RPL5: variants seen among roughly 807,000 people sequenced by gnomAD.
RPL5 encodes large ribosomal subunit protein uL18.
A neutral mutation model predicts 38.4 loss-of-function variants in RPL5; 1 was observed. The ratio of observed to expected loss-of-function variants is 0.03; its 90% CI spans 0.01 to 0.12. RPL5 has a LOEUF of 0.12. Ranked by LOEUF, RPL5 falls within the 10% of genes least tolerant of loss-of-function variation. RPL5 has a pLI of 1.00. For synonymous variants in RPL5, 109 were observed against 121.2 expected, an observed-to-expected ratio of 0.90 and a Z score of 0.66; for missense variants, 243 against 374.1, an observed-to-expected ratio of 0.65 and a Z score of 2.89.
At chr1:92,834,976 AG>A in intron 4 of RPL5, 63 bp downstream of exon 4, 1 of 1,596,374 alleles carries the variant, frequency 6.3e-7, no homozygotes. Context: ...GTTTTCTGCA[AG>A]ATGTTTGTAC....
chr1:92,833,279 T>C lies in RPL5; in HGVS notation c.4-110T>C, dbSNP rs1252963983. The C allele has an allele frequency of 4.5e-6, 4 of 882,228 alleles. No homozygotes were observed. The African/African-American group carries it at 6.7e-5, about 15-fold the overall frequency. 54.6% of individuals were successfully genotyped at this position (882,228 alleles called of 1,614,324 possible). On this transcript the variant is annotated intron_variant, in intron 1 of 7. Transcript: ENST00000370321. ...AACCTGGGATTCTACAAGTGACAGT[T>C]GTCTGTTTACTCTTGAAGTTCAAGT... is the stretch of plus-strand genomic sequence containing the variant.
Position 92,837,454 on chromosome 1 carries a change from A to C in RPL5, c.528-2A>C, listed in dbSNP as rs1687174759. On this transcript the variant is annotated splice_acceptor_variant, in intron 5 of 7. Transcript: ENST00000370321. LOFTEE classifies it high-confidence loss of function. ...ACTAAAATATGAATAACTTTATTTT[A>C]GTACCAAACGATTCCCTGGTTATGA... is the stretch of plus-strand genomic sequence containing the variant. 6.2e-7 allele frequency: 1 copy of C among 1,612,398 alleles called. No homozygotes were observed. The highest frequency in any genetic ancestry group is 8.5e-7 in the Non-Finnish European group (1 of 1,178,656).
In RPL5 at chr1:92,837,494, A is replaced by G. The variant is rs1323030006; in HGVS notation, c.566A>G (p.Glu189Gly). 2.5e-6 allele frequency: 4 copies of G among 1,613,118 alleles called. No homozygotes were observed. Among genetic ancestry groups the G allele is most frequent in the Non-Finnish European group, 3.4e-6 (4 of 1,179,982 alleles). Residue 189 changes from glutamate (E) to glycine (G), a missense_variant, in exon 6 of 8, where the codon GAA becomes GGA. Coordinates refer to ENST00000370321, the MANE Select transcript of RPL5 (RefSeq NM_000969.5). ...RFPGYDSESK[E>G]FNAEVHRKHI... ...CCTGGTTATGATTCTGAAAGCAAGG[A>G]ATTTAATGCAGAAGTACATCGGAAG... is the stretch of plus-strand genomic sequence containing the variant.
intron 7 of RPL5, 98 bp downstream of exon 7, chr1:92,840,737 G>A (rs776356938): frequency 5.6e-6 from 5 of 885,210 alleles, no homozygotes; most frequent in Non-Finnish European, 9.4e-6. Flanking sequence ...TCGATCACTA[G>A]CTCTGCGTGA....
intron 7 of RPL5, 55 bp downstream of exon 7, chr1:92,840,694 C>A (rs756230273): frequency 8.0e-7 from 1 of 1,252,688 alleles, no homozygotes. Context: ...ATGGTTCCCA[C>A]GTGGGGCAGA....
rs201336423 is a variant in RPL5, at chr1:92,841,323, TC to T, written c.795-442del. Among the ~76,000 whole-genome samples the T allele has an allele frequency of 8.9e-3, 1,358 of 152,330 alleles. 10 individuals are homozygous for T. Among genetic ancestry groups the T allele is most frequent in the Middle Eastern group, 0.017 (5 of 294 alleles). On this transcript the variant is annotated intron_variant, in intron 7 of 7. Transcript: ENST00000370321. ...TTCACTGAGCACAATATTCTCCACT[TC>T]ATTCATGTTGCAAATGACAGAATTT... is the stretch of plus-strand genomic sequence containing the variant.
chr1:92,832,102 T>C lies in RPL5; in HGVS notation c.-13T>C. 6.2e-7 allele frequency: 1 copy of C among 1,614,154 alleles called. No individual in the cohort carries two copies. The highest frequency in any genetic ancestry group is 8.5e-7 in the Non-Finnish European group (1 of 1,180,010). ...CTCTGTCGAGCAGCGGACGCCGGTC[T>C]CTGTTCCGCAGGATGGTGAGTGGAT... On this transcript the variant is annotated 5_prime_UTR_variant, in exon 1 of 8. Transcript: ENST00000370321.
At chr1:92,836,129 A>C (rs1049301805) in intron 4 of RPL5, 61 bp from the exon 5 acceptor site, 2 of 1,478,984 alleles carry the variant, frequency 1.4e-6, no homozygotes, top group Admixed American at 3.3e-5. Flanking sequence ...GACATAAGCT[A>C]TTTTAATTTT....
At chr1:92,837,677 A>C (rs552513062) in intron 6 of RPL5, 44 bp downstream of exon 6, 1 of 1,536,910 alleles carries the variant, frequency 6.5e-7, no homozygotes, top group East Asian at 2.3e-5. Context: ...TAATTTATGG[A>C]AATAGGTTTA....
chr1:92,840,457 A>C, intron 6 of RPL5, 94 bp from the exon 7 acceptor site: 1 of 903,880 alleles, frequency 1.1e-6, no homozygotes. Context: ...CCTTTTGAGA[A>C]TCTGGCTTAG....
At chr1:92,834,481 G>C (rs1687039961) in intron 3 of RPL5, among the ~76,000 whole-genome samples, 1 of 152,144 alleles carries the variant, frequency 6.6e-6, no homozygotes, top group Non-Finnish European at 1.5e-5. Context: ...CAAATAGTTT[G>C]TTGATTGTGA....
intron 6 of RPL5, among the ~76,000 whole-genome samples, chr1:92,838,317 G>T (rs1039717232): frequency 6.6e-6 from 1 of 152,152 alleles, no homozygotes; most frequent in Admixed American, 6.5e-5. Context: ...AATAATGTAG[G>T]TGCATGTTAA....
At chr1:92,837,826 T>A (rs1378015485) in intron 6 of RPL5, 193 bp downstream of exon 6, 2 of 597,976 alleles carry the variant, frequency 3.3e-6, no homozygotes, top group African/African-American at 1.9e-5. Flanking sequence ...TTTGGCTACC[T>A]TTTATGCTTT....
chr1:92,841,466 C>G (rs996142707), intron 7 of RPL5, among the ~76,000 whole-genome samples: 4 of 151,812 alleles, frequency 2.6e-5, no homozygotes, highest in Admixed American at 2.0e-4. Context: ...GAGTGCCACT[C>G]TCTTGGACAA....
chr1:92,832,719 G>A (rs1417418255), intron 1 of RPL5: 1 of 410,366 alleles, frequency 2.4e-6, no homozygotes, highest in Non-Finnish European at 4.4e-6. Context: ...TCTAGAGTCC[G>A]TCGCCGGATG....
intron 3 of RPL5, 77 bp downstream of exon 3, chr1:92,833,737 G>T: frequency 8.6e-7 from 1 of 1,158,778 alleles, no homozygotes; most frequent in Non-Finnish European, 1.3e-6. Flanking sequence ...CATGGTGTGT[G>T]TGTTAGAAGG....
intron 5 of RPL5, chr1:92,837,209 T>C: frequency 3.1e-6 from 2 of 652,810 alleles, no homozygotes; most frequent in Non-Finnish European, 5.7e-6. Context: ...AATTTTGTAG[T>C]GGTGGAAAGC....
chr1:92,840,337 G>A (rs1027682343), intron 6 of RPL5: 1 of 510,688 alleles, frequency 2.0e-6, no homozygotes, highest in African/African-American at 1.9e-5. Context: ...GTAAGATGGA[G>A]TTCTGTAGTG....
rs770863952 is a variant in RPL5, at chr1:92,836,280, C to T, written c.415C>T (p.Pro139Ser). ...CAATGTGGAAAGCATTGATGGTCAG[C>T]CAGGTGCCTTCACCTGCTATTTGGA... ...EYNVESIDGQ[P>S]GAFTCYLDAG... is the part of the protein sequence containing the mutation. The change falls in exon 5 of 8, where the codon CCA becomes TCA. Residue 139 changes from proline to serine, a missense_variant. By Grantham distance (74) the Pro-to-Ser change is moderately conservative. Coordinates refer to ENST00000370321, the MANE Select transcript of RPL5 (RefSeq NM_000969.5). 2 of 1,614,054 alleles carry T rather than the reference C, an allele frequency of 1.2e-6. No individual in the cohort carries two copies. The highest frequency in any genetic ancestry group is 1.7e-6 in the Non-Finnish European group (2 of 1,179,962).
Sources: allele counts gnomAD v4.1 joint callset (sites outside exome capture counted in the v4.1 genomes callset), GRCh38; gene constraint gnomAD v4.1.1; transcripts MANE v1.5; gene names NCBI Gene and HGNC (gene_info 2026-07-23, HGNC 2026-07-21).